The following ZNF24 variants were observed in gnomAD, a reference collection of about 807,000 sequenced individuals.
ZNF24 encodes the protein retinoic acid suppression protein A.
Under a neutral mutation model 40.9 loss-of-function variants are expected in ZNF24, and 11 were observed. The ratio of observed to expected loss-of-function variants is 0.27; its 90% CI spans 0.17 to 0.45. The LOEUF (loss-of-function observed/expected upper bound fraction) is 0.45. Ranked by LOEUF, ZNF24 falls within the 20% of genes least tolerant of loss-of-function variation. ZNF24 has a pLI of 1.00. For synonymous variants in ZNF24, 139 were observed against 154.7 expected (o/e 0.90, Z 0.75); for missense variants, 293 against 437.7 (o/e 0.67, Z 2.95).
In ZNF24 at chr18:35,334,861, T is replaced by A. The variant is rs908302001; in HGVS notation, c.*2371A>T. ...CTCTTCTTGTGTGCCACCATCCAGT[T>A]TTTTTTGGTCCAGTCCCTTTTTCCC... is the stretch of plus-strand genomic sequence containing the variant. On this transcript the variant is annotated 3_prime_UTR_variant, in exon 4 of 4. Transcript: ENST00000261332. 1 of 152,236 alleles carries A rather than the reference T, an allele frequency of 6.6e-6. No homozygotes were observed. Among genetic ancestry groups the A allele is most frequent in the Non-Finnish European group, 1.5e-5 (1 of 68,086 alleles). 9.4% of individuals were successfully genotyped at this position (152,236 alleles called of 1,614,324 possible).
chr18:35,343,940 C>G (rs1044956635), intron 1 of ZNF24: 3 of 152,722 alleles, frequency 2.0e-5, no homozygotes, highest in Non-Finnish European at 4.4e-5. Context: ...AAAGGCCACC[C>G]TGTGACAACA....
At chr18:35,338,267 A>G in intron 3 of ZNF24, 1 of 985,676 alleles carries the variant, frequency 1.0e-6, no homozygotes, top group South Asian at 4.7e-5. Context: ...ATGTTAGCCT[A>G]AAAGCAGAAC....
Position 35,337,590 on chromosome 18 carries a change from T to C in ZNF24, c.749A>G (p.Gln250Arg). 6.2e-7 allele frequency: 1 copy of C among 1,614,190 alleles called. No individual in the cohort carries two copies. The highest frequency in any genetic ancestry group is 8.5e-7 in the Non-Finnish European group (1 of 1,179,998). ...ERKRNPSRKKQHICDECGKHF... is the reference protein window; with the variant it reads ...ERKRNPSRKKRHICDECGKHF... ...TTTTCCACATTCATCACATATATGT[T>C]GTTTCTTTCGAGAGGGATTTCTCTT... Residue 250 changes from glutamine (Q) to arginine (R), a missense_variant, in exon 4 of 4, where the codon CAA becomes CGA. Gln to Arg is a conservative substitution (Grantham distance 43). This residue lies in a region of ZNF24 where 234 missense variants were observed against 299.2 expected (regional missense o/e 0.78). Coordinates refer to ENST00000261332, the MANE Select transcript of ZNF24 (RefSeq NM_006965.4).
intron 1 of ZNF24, chr18:35,342,804 A>C (rs1027275433): frequency 2.0e-5 from 3 of 152,236 alleles, no homozygotes; most frequent in African/African-American, 7.2e-5. Context: ...CCATAGCACT[A>C]TCGTTGAGTT....
chr18:35,339,704 GA>G (rs970937474), intron 3 of ZNF24, 124 bp downstream of exon 3: 3 of 856,454 alleles, frequency 3.5e-6, no homozygotes, highest in South Asian at 3.7e-5. Flanking sequence ...AACTTAATCA[GA>G]AAAAAACTGA....
chr18:35,337,796 T>A, intron 3 of ZNF24, 26 bp from the exon 4 acceptor site: 1 of 1,510,812 alleles, frequency 6.6e-7, no homozygotes, highest in Non-Finnish European at 8.8e-7. Flanking sequence ...AATGTAAATA[T>A]CATTCATTAT....
At chr18:35,342,805 T>C (rs1370351155) in intron 1 of ZNF24, 1 of 152,222 alleles carries the variant, frequency 6.6e-6, no homozygotes, top group Non-Finnish European at 1.5e-5. Context: ...CATAGCACTA[T>C]CGTTGAGTTA....
At position 35,339,914 on chromosome 18, in the gene ZNF24, A is replaced by T. The variant is rs749296798; in HGVS notation, c.483T>A (p.Ala161=). 2.2e-5 allele frequency: 36 copies of T among 1,613,450 alleles called. No individual in the cohort carries two copies. Among genetic ancestry groups the T allele is most frequent in the Non-Finnish European group, 2.9e-5 (34 of 1,179,576 alleles). ...LVEDMVSQEE[A]QGLPSSELDA... Reference sequence around the variant, plus strand: ...CAAGCTCAGAACTTGGTAATCCCTGAGCTTCTTCTTGAGATACCATGTCTT... The same window carrying T: ...CAAGCTCAGAACTTGGTAATCCCTGTGCTTCTTCTTGAGATACCATGTCTT... Residue 161 remains alanine, a synonymous_variant, in exon 3 of 4, where the codon GCT becomes GCA. Coordinates refer to ENST00000261332, the MANE Select transcript of ZNF24 (RefSeq NM_006965.4).
In ZNF24 at chr18:35,332,346, G is replaced by A. The variant is rs2044866314; in HGVS notation, c.*4886C>T. ...CAAATAACCTATATTAATCAGAACA[G>A]AAACTCAATTCAATTATCTTAAACA... On this transcript the variant is annotated 3_prime_UTR_variant, in exon 4 of 4. Transcript: ENST00000261332. The A allele has an allele frequency of 6.6e-6, 1 of 152,166 alleles. No homozygotes were observed. The highest frequency in any genetic ancestry group is 2.1e-4 in the South Asian group (1 of 4,834). The allele number at this position is 152,166 out of a possible 1,614,324, so 9.4% of individuals were successfully genotyped here. A position where few individuals can be genotyped will look rare whatever the true frequency, so the allele number is the denominator to read the frequency against.
intron 1 of ZNF24, among the ~76,000 whole-genome samples, chr18:35,341,485 C>T (rs1346176629): frequency 6.6e-6 from 1 of 152,170 alleles, no homozygotes. Context: ...TTAGAGTGTG[C>T]TCCTTCTACT....
intron 1 of ZNF24, among the ~76,000 whole-genome samples, chr18:35,341,813 G>A (rs748434967): frequency 2.0e-5 from 3 of 152,128 alleles, no homozygotes; most frequent in Non-Finnish European, 2.9e-5. Context: ...AAGACCAGGA[G>A]TTCAAGGCTC....
chr18:35,339,062 A>G, intron 3 of ZNF24: 1 of 1,535,922 alleles, frequency 6.5e-7, no homozygotes, highest in South Asian at 1.2e-5. Context: ...CAACTACTTC[A>G]AGGAATGATT....
chr18:35,340,524 T>G lies in ZNF24; in HGVS notation c.127A>C (p.Asn43His). The change falls in exon 2 of 4, where the codon AAC (asparagine) becomes CAC (histidine). Residue 43 changes from asparagine (N) to histidine (H), a missense_variant. This residue lies in a region of ZNF24 where 234 missense variants were observed against 299.2 expected (regional missense o/e 0.78). Transcript: ENST00000261332. The surrounding 1 kb of genome is among the most constrained non-coding windows in gnomAD (Gnocchi z 4.6). ...DGEEGSSIPW[N>H]HLPDPEIFRQ... ...AAAATCTCTGGGTCTGGGAGATGGT[T>G]CCAGGGGATACTTGATCCCTCTTCG... The G allele has an allele frequency of 6.2e-7, 1 of 1,614,212 alleles. No homozygotes were observed. Among genetic ancestry groups the G allele is most frequent in the South Asian group, 1.1e-5 (1 of 91,086 alleles).
Position 35,337,728 on chromosome 18 carries a change from T to C in ZNF24, c.611A>G (p.Gln204Arg), listed in dbSNP as rs1239857201. The C allele has an allele frequency of 1.2e-6, 2 of 1,605,678 alleles. No homozygotes were observed. The highest frequency in any genetic ancestry group is 3.4e-5 in the Admixed American group (2 of 58,926). Residue 204 changes from glutamine to arginine, a missense_variant, in exon 4 of 4, where the codon CAG becomes CGG. Gln to Arg is a conservative substitution (Grantham distance 43). Transcript: ENST00000261332. ...RTENGALAPK[Q>R]ELPSALESHE... ...GGATTCTAATGCTGAAGGAAGCTCC[T>C]GCTTTGGAGCTAGTGCTCCATTTTC... is the stretch of plus-strand genomic sequence containing the variant.
In ZNF24 at chr18:35,334,015, A is replaced by G. The variant is rs1440562582; in HGVS notation, c.*3217T>C. ...TACGGTAGCTGAGGATTAAGAGTTA[A>G]TCCATGATAAAGCACTTCAAATAGT... On this transcript the variant is annotated 3_prime_UTR_variant, in exon 4 of 4. Transcript: ENST00000261332. 6.6e-6 allele frequency: 1 copy of G among 152,164 alleles called. No homozygotes were observed. The highest frequency in any genetic ancestry group is 1.5e-5 in the Non-Finnish European group (1 of 68,024). The allele number at this position is 152,164 out of a possible 1,614,324, so 9.4% of individuals were successfully genotyped here.
Position 35,335,666 on chromosome 18 carries a change from G to C in ZNF24, c.*1566C>G, listed in dbSNP as rs376411458. The C allele has an allele frequency of 1.9e-3, 287 of 152,132 alleles. 2 individuals carry two copies. Among genetic ancestry groups the C allele is most frequent in the African/African-American group, 6.7e-3 (276 of 41,474 alleles). The allele number at this position is 152,132 out of a possible 1,614,324, so 9.4% of individuals were successfully genotyped here. A position where few individuals can be genotyped will look rare whatever the true frequency, so the allele number is the denominator to read the frequency against. On this transcript the variant is annotated 3_prime_UTR_variant, in exon 4 of 4. Transcript: ENST00000261332. The stretch of plus-strand genomic sequence containing the variant: ...AACTTCCAGAGTTTTCCACTAAACA[G>C]TAGAACCACAGTACTTGGAATTCTC...
rs112261919 is a variant in ZNF24, at chr18:35,339,121, G to T, written c.568+708C>A. 133 of 1,378,994 alleles carry T rather than the reference G, an allele frequency of 9.6e-5. No individual in the cohort carries two copies. In the African/African-American group the frequency reaches 1.2e-3, roughly 13 times the overall value. The allele number at this position is 1,378,994 out of a possible 1,614,324, so 85.4% of individuals were successfully genotyped here. ...TTCATTTTAGTTCACATAAACATGA[G>T]AAAGCAATCTAGCAGTTTTAGGAAT... On this transcript the variant is annotated intron_variant, in intron 3 of 3. Coordinates refer to ENST00000261332, the MANE Select transcript of ZNF24 (RefSeq NM_006965.4).
At chr18:35,338,435 G>A (rs1569102840) in intron 3 of ZNF24, 2 of 985,350 alleles carry the variant, frequency 2.0e-6, no homozygotes. Context: ...TAGAAAAATC[G>A]TTATTTCTAA....
At chr18:35,341,067 GA>G (rs1488273438) in intron 1 of ZNF24, among the ~76,000 whole-genome samples, 1 of 152,172 alleles carries the variant, frequency 6.6e-6, no homozygotes, top group Admixed American at 6.5e-5. Flanking sequence ...CATGACACGT[GA>G]AAATGATATG....
Sources: allele counts gnomAD v4.1 joint callset (sites outside exome capture counted in the v4.1 genomes callset), GRCh38; gene constraint gnomAD v4.1.1; regional missense constraint gnomAD v4.1.1; non-coding constraint Gnocchi (gnomAD v3.1); transcripts MANE v1.5; gene names NCBI Gene and HGNC (gene_info 2026-07-23, HGNC 2026-07-21).